Variants in IL1RAPL1 observed in about 807,000 individuals in gnomAD.
IL1RAPL1 encodes interleukin 1 receptor accessory protein like 1, also known as interleukin-1 receptor accessory protein-like 1.
Under a neutral mutation model 48.4 loss-of-function variants are expected in IL1RAPL1, and 3 were observed. The observed-to-expected ratio is 0.06, with a 90% CI of 0.03 to 0.16. IL1RAPL1 has a LOEUF of 0.16. IL1RAPL1 is among the 10% of genes least tolerant of loss of function. The pLI is 1.00. For synonymous variants in IL1RAPL1, 185 were observed against 187.7 expected, an observed-to-expected ratio of 0.99 and a Z score of 0.12; for missense variants, 349 against 530.6, an observed-to-expected ratio of 0.66 and a Z score of 3.36.
rs776147893 is a variant in IL1RAPL1, at chrX:28,664,738, A to G, written c.-25+76691A>G. ...GATCACCTCTAAGCTACACTCTACT[A>G]CATTCAGTATGGAATCAGGAAGACT... On this transcript the variant is annotated intron_variant, in intron 1 of 10. Coordinates refer to ENST00000378993, the MANE Select transcript of IL1RAPL1 (RefSeq NM_014271.4). Among the ~76,000 whole-genome samples the G allele has an allele frequency of 4.5e-5, 5 of 111,642 alleles. No homozygotes were observed. The South Asian group carries it at 1.9e-3, about 42-fold the overall frequency.
chrX:28,768,075 TAG>T (rs1467584059), intron 1 of IL1RAPL1, among the ~76,000 whole-genome samples: 4 of 111,555 alleles, frequency 3.6e-5, no homozygotes, highest in Non-Finnish European at 7.5e-5. Context: ...CTCTAATTTT[TAG>T]AGAGTCCTGA....
intron 2 of IL1RAPL1, among the ~76,000 whole-genome samples, chrX:29,251,962 G>T (rs1931627322): frequency 9.1e-6 from 1 of 110,185 alleles, no homozygotes; most frequent in South Asian, 3.8e-4. Context: ...CATGTCCTTT[G>T]TAGGGACATG....
rs774678666 is a variant in IL1RAPL1, at chrX:29,704,617, C to T, written c.778+36113C>T. Among the ~76,000 whole-genome samples, 267 of 110,818 alleles carry T rather than the reference C, an allele frequency of 2.4e-3. 2 individuals carry two copies. Among genetic ancestry groups the T allele is most frequent in the Middle Eastern group, 4.6e-3 (1 of 216 alleles). On this transcript the variant is annotated intron_variant, in intron 6 of 10. Coordinates refer to ENST00000378993, the MANE Select transcript of IL1RAPL1 (RefSeq NM_014271.4). Reference sequence around the variant, plus strand: ...CCGGGAGACAGAGGTTGCAGTGAGCCGAGATGGCGCCACTGCACTCCAGCC... The same window carrying T: ...CCGGGAGACAGAGGTTGCAGTGAGCTGAGATGGCGCCACTGCACTCCAGCC...
intron 5 of IL1RAPL1, among the ~76,000 whole-genome samples, chrX:29,552,184 G>T (rs187892072): frequency 2.7e-5 from 3 of 111,001 alleles, no homozygotes; most frequent in East Asian, 5.7e-4. Context: ...TTATGAAGAA[G>T]AATATATAAA....
intron 2 of IL1RAPL1, among the ~76,000 whole-genome samples, chrX:29,008,168 A>ATTTT (rs1203523772): frequency 1.0e-5 from 1 of 98,178 alleles, no homozygotes; most frequent in African/African-American, 3.7e-5. Context: ...GGCCCGGATA[A>ATTTT]TTTTTTTTTT....
intron 5 of IL1RAPL1, among the ~76,000 whole-genome samples, chrX:29,493,746 G>A (rs1935183419): frequency 9.0e-6 from 1 of 111,344 alleles, no homozygotes; most frequent in Admixed American, 9.5e-5. Context: ...GCATAATGCT[G>A]AGGTTTGGGG....
chrX:29,466,098 A>G (rs1934859484), intron 5 of IL1RAPL1, among the ~76,000 whole-genome samples: 1 of 112,410 alleles, frequency 8.9e-6, no homozygotes, highest in Non-Finnish European at 1.9e-5. Context: ...GACATACACT[A>G]AAAAGTAAGT....
At chrX:29,531,735 A>G (rs993662722) in intron 5 of IL1RAPL1, among the ~76,000 whole-genome samples, 2 of 112,223 alleles carry the variant, frequency 1.8e-5, no homozygotes, top group African/African-American at 6.5e-5. Context: ...CTCTTGAGGG[A>G]TGATTCTTCC....
chrX:29,523,441 T>G (rs1935522450), intron 5 of IL1RAPL1, among the ~76,000 whole-genome samples: 1 of 111,820 alleles, frequency 8.9e-6, no homozygotes, highest in Non-Finnish European at 1.9e-5. Context: ...ATTTGATTAT[T>G]TTCAAAATTT....
At chrX:29,429,929 T>G (rs865874787) in intron 5 of IL1RAPL1, among the ~76,000 whole-genome samples, 7 of 66,040 alleles carry the variant, frequency 1.1e-4, no homozygotes, top group Non-Finnish European at 1.9e-4. Context: ...GTGTGTGTAT[T>G]TTTTTTTTTA....
chrX:29,106,688 A>T (rs188263090), intron 2 of IL1RAPL1, among the ~76,000 whole-genome samples: 200 of 111,750 alleles, frequency 1.8e-3, no homozygotes, highest in Non-Finnish European at 1.8e-3. Flanking sequence ...GCAGAGTGGA[A>T]ATTTGAGCAT....
At chrX:29,617,413 A>G (rs999011106) in intron 5 of IL1RAPL1, among the ~76,000 whole-genome samples, 1 of 112,329 alleles carries the variant, frequency 8.9e-6, no homozygotes, top group African/African-American at 3.2e-5. Flanking sequence ...AATATGAGAA[A>G]TGTGCAGGGC....
intron 6 of IL1RAPL1, among the ~76,000 whole-genome samples, chrX:29,868,653 A>G (rs1308236752): frequency 8.9e-6 from 1 of 112,465 alleles, no homozygotes; most frequent in Non-Finnish European, 1.9e-5. Flanking sequence ...ACTTTCTCTC[A>G]TTTGTTTGAA....
chrX:29,480,302 A>ATATG (rs1390666631), intron 5 of IL1RAPL1, among the ~76,000 whole-genome samples: 13 of 99,302 alleles, frequency 1.3e-4, no homozygotes, highest in African/African-American at 4.9e-4. Flanking sequence ...ATATATATAT[A>ATATG]TATATATATA....
chrX:29,693,604 T>TAAAC (rs1926832445), intron 6 of IL1RAPL1, among the ~76,000 whole-genome samples: 2 of 112,121 alleles, frequency 1.8e-5, no homozygotes, highest in African/African-American at 6.5e-5. Context: ...ATTTATGAGC[T>TAAAC]TGAGCAATAA....
chrX:29,610,622 TGTC>T (rs1379197566), intron 5 of IL1RAPL1, among the ~76,000 whole-genome samples: 57 of 112,477 alleles, frequency 5.1e-4, no homozygotes, highest in African/African-American at 1.7e-3. Flanking sequence ...CAGGGGAAGA[TGTC>T]ATCATTTTAT....
chrX:29,647,629 A>C (rs1387944017), intron 5 of IL1RAPL1, among the ~76,000 whole-genome samples: 1 of 111,717 alleles, frequency 9.0e-6, no homozygotes, highest in Admixed American at 9.5e-5. Context: ...GGTAACCACA[A>C]AGCAAAAAAC....
At chrX:29,691,846 A>G (rs1338796042) in intron 6 of IL1RAPL1, among the ~76,000 whole-genome samples, 1 of 110,999 alleles carries the variant, frequency 9.0e-6, no homozygotes, top group Non-Finnish European at 1.9e-5. Flanking sequence ...ATTGTTAATG[A>G]TCGTGTCCTG....
intron 5 of IL1RAPL1, among the ~76,000 whole-genome samples, chrX:29,650,375 G>A (rs891494149): frequency 9.0e-6 from 1 of 111,375 alleles, no homozygotes. Context: ...ACTTCAAAAT[G>A]TACTGTGATG....
Sources: allele counts gnomAD v4.1 joint callset (sites outside exome capture counted in the v4.1 genomes callset), GRCh38; gene constraint gnomAD v4.1.1; transcripts MANE v1.5; gene names NCBI Gene and HGNC (gene_info 2026-07-23, HGNC 2026-07-21).